Variants in SHC4 observed in about 807,000 individuals in gnomAD.
SHC4 encodes the protein SHC-transforming protein 4.
A neutral mutation model predicts 69.4 loss-of-function variants in SHC4; 41 were observed. The observed-to-expected ratio is 0.59, with a 90% CI of 0.46 to 0.77. SHC4 has a LOEUF of 0.77. Among genes scored for constraint, SHC4 ranks in the 30% least tolerant of loss-of-function variants. The pLI is 0.00. For synonymous variants in SHC4, 318 were observed against 299.3 expected (o/e 1.06, Z -0.64); for missense variants, 777 against 783.8 (o/e 0.99, Z 0.10).
chr15:48,919,996 C>T (rs2413919), intron 2 of SHC4, among the ~76,000 whole-genome samples: 150,931 of 150,960 alleles, frequency 1, 75,451 homozygotes, highest in Middle Eastern at 1. Flanking sequence ...AAATATAGGC[C>T]TACAAGTTCA....
intron 1 of SHC4, 87 bp downstream of exon 1, chr15:48,962,344 C>A: frequency 7.4e-7 from 1 of 1,351,128 alleles, no homozygotes; most frequent in South Asian, 1.5e-5. Context: ...AGAACCCAGG[C>A]AGGTAACATT....
intron 9 of SHC4, 22 bp downstream of exon 9, chr15:48,851,166 T>A: frequency 6.2e-7 from 1 of 1,612,188 alleles, no homozygotes; most frequent in Non-Finnish European, 8.5e-7. Flanking sequence ...GGGTGGCAGA[T>A]GGAGAAGGGC....
chr15:48,859,451 G>A (rs1479795550), intron 6 of SHC4, among the ~76,000 whole-genome samples: 1 of 152,054 alleles, frequency 6.6e-6, no homozygotes, highest in African/African-American at 2.4e-5. Context: ...ATAGACTTAG[G>A]AGCTAATTCC....
At chr15:48,849,222 T>C (rs1161957548) in intron 9 of SHC4, among the ~76,000 whole-genome samples, 1 of 152,100 alleles carries the variant, frequency 6.6e-6, no homozygotes, top group Non-Finnish European at 1.5e-5. Flanking sequence ...TTCTCTCTCT[T>C]CTTTCCCCTG....
At chr15:48,851,000 C>G (rs1899202393) in intron 9 of SHC4, among the ~76,000 whole-genome samples, 188 bp downstream of exon 9, 1 of 152,168 alleles carries the variant, frequency 6.6e-6, no homozygotes. Flanking sequence ...AAGGGAGAAC[C>G]ATGAGCCTTC....
chr15:48,872,112 A>G lies in SHC4; in HGVS notation c.871T>C (p.Ser291Pro). Residue 291 changes from serine (S) to proline (P), a missense_variant, in exon 5 of 12, where the codon TCA becomes CCA. Coordinates refer to ENST00000332408, the MANE Select transcript of SHC4 (RefSeq NM_203349.4). ...ACAGGATCCCCTCCAGAGGCAAATG[A>G]AATAGACTGCATATGATGATTTGCA... Reference protein sequence around the residue: ...IIANHHMQSISFASGGDPDTT... With the variant: ...IIANHHMQSIPFASGGDPDTT... 2.5e-6 allele frequency: 4 copies of G among 1,595,572 alleles called. No individual in the cohort carries two copies. In the African/African-American group the frequency reaches 5.4e-5, roughly 21 times the overall value.
At chr15:48,892,486 T>C (rs188949371) in intron 2 of SHC4, among the ~76,000 whole-genome samples, 25 of 152,234 alleles carry the variant, frequency 1.6e-4, no homozygotes, top group African/African-American at 5.5e-4. Context: ...CACAGATAGT[T>C]GGGCCCTCTG....
intron 5 of SHC4, among the ~76,000 whole-genome samples, chr15:48,869,796 C>A (rs983910219): frequency 6.6e-6 from 1 of 152,170 alleles, no homozygotes; most frequent in African/African-American, 2.4e-5. Flanking sequence ...CCAACCAAGC[C>A]ATGGCACCGC....
intron 11 of SHC4, among the ~76,000 whole-genome samples, chr15:48,832,764 T>C (rs1898829717): frequency 6.6e-6 from 1 of 152,206 alleles, no homozygotes; most frequent in African/African-American, 2.4e-5. Flanking sequence ...TTCCTTTTTC[T>C]GAAGAATTTC....
chr15:48,886,935 T>C (rs1298764184), intron 3 of SHC4, among the ~76,000 whole-genome samples: 1 of 152,022 alleles, frequency 6.6e-6, no homozygotes, highest in African/African-American at 2.4e-5. Context: ...CTGGCAGAGG[T>C]GCTTATCCAC....
intron 9 of SHC4, among the ~76,000 whole-genome samples, chr15:48,846,184 A>G (rs1567051193): frequency 6.6e-6 from 1 of 152,140 alleles, no homozygotes; most frequent in East Asian, 1.9e-4. Flanking sequence ...TTTTAAATTC[A>G]TATGGACCTG....
chr15:48,836,958 T>A (rs1898910385), intron 10 of SHC4, among the ~76,000 whole-genome samples: 1 of 152,234 alleles, frequency 6.6e-6, no homozygotes, highest in Non-Finnish European at 1.5e-5. Context: ...ATTTGATGAA[T>A]AATACTTGTA....
intron 11 of SHC4, 92 bp downstream of exon 11, chr15:48,834,677 G>C: frequency 3.3e-6 from 5 of 1,524,832 alleles, no homozygotes; most frequent in Non-Finnish European, 4.5e-6. Flanking sequence ...ACTTAGCCTT[G>C]AGCACTATTC....
rs1180370182 is a variant in SHC4 at position 48,920,108 on chromosome 15, G to A, written c.656+4771C>T. On this transcript the variant is annotated intron_variant, in intron 2 of 11. Transcript: ENST00000332408. ...TGGCTCACTGCAAGCTCCGCCTCCC[G>A]GGTTCACGCCATTCTCTTGCCTCAG... Among the ~76,000 whole-genome samples the A allele has an allele frequency of 5.3e-5, 8 of 151,036 alleles. No homozygotes were observed. In the South Asian group the frequency reaches 1.3e-3, roughly 24 times the overall value.
Position 48,843,484 on chromosome 15 carries a change from C to T in SHC4, c.1408G>A (p.Ala470Thr). 1 of 1,614,120 alleles carries T rather than the reference C, an allele frequency of 6.2e-7. No homozygotes were observed. Among genetic ancestry groups the T allele is most frequent in the Non-Finnish European group, 8.5e-7 (1 of 1,180,006 alleles). ...GCAGAGCCAGGTGTACTTTGAAGAG[C>T]CTGTGTATTAATGTAGCAGGGGTCA... The part of the protein sequence containing the change: ...FDDPCYINTQ[A>T]LQSTPGSAGN... The change falls in exon 10 of 12, where the codon GCT becomes ACT. Residue 470 changes from alanine to threonine, a missense_variant. Coordinates refer to ENST00000332408, the MANE Select transcript of SHC4 (RefSeq NM_203349.4).
intron 8 of SHC4, among the ~76,000 whole-genome samples, chr15:48,854,919 G>A (rs1899283197): frequency 6.6e-6 from 1 of 152,116 alleles, no homozygotes; most frequent in Admixed American, 6.6e-5. Context: ...AGCATCATGC[G>A]ATATGTTGAT....
chr15:48,911,338 C>T (rs1324076919), intron 2 of SHC4, among the ~76,000 whole-genome samples: 1 of 152,060 alleles, frequency 6.6e-6, no homozygotes, highest in Non-Finnish European at 1.5e-5. Flanking sequence ...GTCTCTTTTA[C>T]TGATGTTGCT....
rs1898874860 is a variant in SHC4, at chr15:48,835,012, T to G, written c.1494A>C (p.Glu498Asp). The G allele has an allele frequency of 6.2e-7, 1 of 1,610,594 alleles. No individual in the cohort carries two copies. Among genetic ancestry groups the G allele is most frequent in the Non-Finnish European group, 8.5e-7 (1 of 1,178,536 alleles). ...GSPWHCGKAP[E>D]TVQPGATAQP... Reference sequence around the variant, plus strand: ...GGGCTGTGGCACCCGGCTGAACAGTTTCTGGTGCCTCTGAAGTCAGAACAC... The same window carrying G: ...GGGCTGTGGCACCCGGCTGAACAGTGTCTGGTGCCTCTGAAGTCAGAACAC... Residue 498 changes from glutamate (E) to aspartate (D), a missense_variant, in exon 11 of 12, where the codon GAA (glutamate) becomes GAC (aspartate). By Grantham distance (45) the Glu-to-Asp change is conservative. Transcript: ENST00000332408.
rs118028068 is a variant in SHC4 at position 48,841,401 on chromosome 15, T to C, written c.1483+2008A>G. ...ACATCTCATCACCCGTCACATAAGATGTCCTCTGTGGTAGCCACAGAGATG... is the reference window on the plus strand; with the variant it reads ...ACATCTCATCACCCGTCACATAAGACGTCCTCTGTGGTAGCCACAGAGATG... On this transcript the variant is annotated intron_variant, in intron 10 of 11. Transcript: ENST00000332408. Among the ~76,000 whole-genome samples, 1,032 of 152,302 alleles carry C rather than the reference T, an allele frequency of 6.8e-3. 6 individuals carry two copies. The highest frequency in any genetic ancestry group is 8.8e-3 in the Non-Finnish European group (600 of 68,016).
Sources: gnomAD v4.1 joint callset for allele counts (sites outside exome capture counted in the v4.1 genomes callset) on GRCh38, gnomAD v4.1.1 for gene constraint, MANE v1.5 for transcripts, NCBI Gene and HGNC (gene_info 2026-07-23, HGNC 2026-07-21) for gene names.